The following PRKCH variants were observed in gnomAD, a reference collection of about 807,000 sequenced individuals.
PRKCH encodes the protein protein kinase C eta.
Under a neutral mutation model 82.5 loss-of-function variants are expected in PRKCH, and 28 were observed. That is an observed-to-expected ratio of 0.34 (90% CI 0.25 to 0.47). The LOEUF (loss-of-function observed/expected upper bound fraction) is 0.47, where lower values mean the gene tolerates loss of function less well. Ranked by LOEUF, PRKCH falls within the 20% of genes least tolerant of loss-of-function variation. The pLI, the probability that PRKCH is intolerant of heterozygous loss-of-function variation, is 1.00. For missense variants in PRKCH, 705 were observed against 881.8 expected (o/e 0.80, Z 2.54); for synonymous variants, 322 against 327.4 (o/e 0.98, Z 0.18).
intron 1 of PRKCH, among the ~76,000 whole-genome samples, chr14:61,387,078 G>A (rs4902052): frequency 0.37 from 55,623 of 152,086 alleles, 14,074 homozygotes; most frequent in African/African-American, 0.73. Flanking sequence ...CACAGGTGCC[G>A]GACACTCCCA....
chr14:61,441,388 A>C (rs2140274748), intron 2 of PRKCH, among the ~76,000 whole-genome samples: 1 of 152,164 alleles, frequency 6.6e-6, no homozygotes, highest in South Asian at 2.1e-4. Context: ...CCCGGTTTAT[A>C]CTCCTACTGA....
At chr14:61,436,034 G>A (rs879611617) in intron 2 of PRKCH, among the ~76,000 whole-genome samples, 21 of 152,066 alleles carry the variant, frequency 1.4e-4, no homozygotes, top group Admixed American at 1.3e-3. Context: ...GATGATGAGT[G>A]GAAAATGGGA....
intron 1 of PRKCH, among the ~76,000 whole-genome samples, chr14:61,248,760 GTA>G (rs2044909629): frequency 2.1e-5 from 2 of 96,726 alleles, no homozygotes; most frequent in Non-Finnish European, 3.8e-5. Flanking sequence ...ATGTATGTAT[GTA>G]TGTATGTATG....
In PRKCH at chr14:61,367,967, G is replaced by A. The variant is rs764607581; in HGVS notation, c.364-23258G>A. On this transcript the variant is annotated intron_variant, in intron 1 of 13. Coordinates refer to ENST00000332981, the MANE Select transcript of PRKCH (RefSeq NM_006255.5). ...CTGACCTCGTGATCCGCCTGCCTTA[G>A]CCTCCCAAAGTGCTGGGATTACAGG... Among the ~76,000 whole-genome samples the A allele has an allele frequency of 3.3e-5, 5 of 151,938 alleles. 1 individual carries two copies. Among genetic ancestry groups the A allele is most frequent in the African/African-American group, 7.3e-5 (3 of 41,256 alleles).
At chr14:61,289,138 A>G (rs1237276429) in intron 1 of PRKCH, among the ~76,000 whole-genome samples, 1 of 152,220 alleles carries the variant, frequency 6.6e-6, no homozygotes, top group Non-Finnish European at 1.5e-5. Flanking sequence ...GGCATGAGCC[A>G]CCACACCCAG....
rs28891819 is a variant in PRKCH at position 61,427,993 on chromosome 14, A to G, written c.428-15118A>G. Reference sequence around the variant, plus strand: ...TGGATCGTTTAAGACCAGGAATTTGAGACCAACCTGGGCAACATGGTGAAA... The same window carrying G: ...TGGATCGTTTAAGACCAGGAATTTGGGACCAACCTGGGCAACATGGTGAAA... On this transcript the variant is annotated intron_variant, in intron 2 of 13. Coordinates refer to ENST00000332981, the MANE Select transcript of PRKCH (RefSeq NM_006255.5). 0.015 allele frequency among the ~76,000 whole-genome samples: 2,271 copies of G among 151,716 alleles called. 66 individuals carry two copies. The East Asian group carries it at 0.16, about 10-fold the overall frequency.
Position 61,445,676 on chromosome 14 carries a change from T to G in PRKCH, c.579-16T>G. Reference sequence around the variant, plus strand: ...CTGAAATACTTGACTGATGGTAGTTTTCTTCTCTTCAACAGGGGAGTGTTT... The same window carrying G: ...CTGAAATACTTGACTGATGGTAGTTGTCTTCTCTTCAACAGGGGAGTGTTT... On this transcript the variant is annotated splice_polypyrimidine_tract_variant and intron_variant, in intron 3 of 13. Coordinates refer to ENST00000332981, the MANE Select transcript of PRKCH (RefSeq NM_006255.5). 1 of 1,605,494 alleles carries G rather than the reference T, an allele frequency of 6.2e-7. No homozygotes were observed.
chr14:61,350,162 T>C (rs1211877650), intron 1 of PRKCH, among the ~76,000 whole-genome samples: 1 of 152,200 alleles, frequency 6.6e-6, no homozygotes, highest in African/African-American at 2.4e-5. Flanking sequence ...TTGCCCCCAT[T>C]GTATTGTCTT....
chr14:61,324,100 A>G (rs1229405693), intron 1 of PRKCH, among the ~76,000 whole-genome samples: 5 of 152,138 alleles, frequency 3.3e-5, no homozygotes, highest in African/African-American at 1.2e-4. Context: ...GGACCCCATC[A>G]TCCGTACTTT....
rs375542490 is a variant in PRKCH, at chr14:61,484,764, C to CTTTTTTTT, written c.1279-726_1279-719dup. Among the ~76,000 whole-genome samples the CTTTTTTTT allele has an allele frequency of 1.4e-3, 169 of 121,170 alleles. 2 individuals are homozygous for CTTTTTTTT. The highest frequency in any genetic ancestry group is 5.1e-3 in the African/African-American group (158 of 30,848). 79.5% of individuals were successfully genotyped at this position (121,170 alleles called of 152,430 possible). A position where few individuals can be genotyped will look rare whatever the true frequency, so the allele number is the denominator to read the frequency against. On this transcript the variant is annotated intron_variant, in intron 9 of 13. Transcript: ENST00000332981. ...TACTGTGAGGCTGTCATTTGGCTTC[C>CTTTTTTTT]TTTTTTTTTTTTTTTTTTTGGAAGA...
intron 2 of PRKCH, among the ~76,000 whole-genome samples, chr14:61,407,824 A>G (rs1315776554): frequency 6.6e-6 from 1 of 152,152 alleles, no homozygotes; most frequent in Non-Finnish European, 1.5e-5. Flanking sequence ...TTCTCTAGCC[A>G]GGGATTACAG....
chr14:61,256,404 G>C (rs770056882), intron 1 of PRKCH, among the ~76,000 whole-genome samples: 36 of 152,170 alleles, frequency 2.4e-4, no homozygotes, highest in Non-Finnish European at 4.7e-4. Context: ...AGAACCGTCA[G>C]TGAAGCCCAC....
chr14:61,244,437 T>C (rs985691791), intron 1 of PRKCH, among the ~76,000 whole-genome samples: 1 of 152,230 alleles, frequency 6.6e-6, no homozygotes, highest in African/African-American at 2.4e-5. Flanking sequence ...CTTTTGAGTT[T>C]GCTTTGCATT....
intron 1 of PRKCH, among the ~76,000 whole-genome samples, chr14:61,286,017 T>C (rs2140095889): frequency 1.3e-5 from 2 of 152,376 alleles, no homozygotes; most frequent in East Asian, 3.9e-4. Context: ...AACTTTTGTT[T>C]AGCATGCTCA....
intron 1 of PRKCH, among the ~76,000 whole-genome samples, chr14:61,358,444 A>G (rs2046179891): frequency 6.6e-6 from 1 of 152,086 alleles, no homozygotes; most frequent in South Asian, 2.1e-4. Flanking sequence ...GCTGATTTCT[A>G]ATCACTGTTT....
chr14:61,330,806 T>G (rs2045774160), intron 1 of PRKCH, among the ~76,000 whole-genome samples: 2 of 152,260 alleles, frequency 1.3e-5, no homozygotes, highest in African/African-American at 2.4e-5. Context: ...GCCTTTGTTT[T>G]CTGAATGTGG....
chr14:61,345,486 G>A (rs1002697647), intron 1 of PRKCH, among the ~76,000 whole-genome samples: 1 of 152,238 alleles, frequency 6.6e-6, no homozygotes, highest in Non-Finnish European at 1.5e-5. Context: ...TGAAATAGCT[G>A]TGAACTGTGC....
At chr14:61,502,108 A>G (rs888693978) in intron 10 of PRKCH, among the ~76,000 whole-genome samples, 7 of 137,534 alleles carry the variant, frequency 5.1e-5, no homozygotes, top group Admixed American at 8.0e-5. Context: ...ACTCTCACTC[A>G]GGCAGGAGTG....
At chr14:61,206,507 T>A (rs1241792479) in intron 1 of PRKCH, among the ~76,000 whole-genome samples, 1 of 152,178 alleles carries the variant, frequency 6.6e-6, no homozygotes, top group Non-Finnish European at 1.5e-5. Flanking sequence ...CCAAATAAGG[T>A]CACATTTTGA....
Sources: allele counts gnomAD v4.1 joint callset (sites outside exome capture counted in the v4.1 genomes callset), GRCh38; gene constraint gnomAD v4.1.1; transcripts MANE v1.5; gene names NCBI Gene and HGNC (gene_info 2026-07-23, HGNC 2026-07-21).